The following L3MBTL4 variants were observed in gnomAD, a reference collection of about 807,000 sequenced individuals.
L3MBTL4 encodes lethal(3)malignant brain tumor-like protein 4.
Under a neutral mutation model 84.5 loss-of-function variants are expected in L3MBTL4, and 70 were observed. The observed-to-expected ratio is 0.83, with a 90% CI of 0.68 to 1.01. L3MBTL4 has a LOEUF of 1.01. L3MBTL4 is among the 50% of genes least tolerant of loss of function. The pLI is 0.00. For synonymous variants in L3MBTL4, 274 were observed against 259.8 expected (o/e 1.05, Z -0.52); for missense variants, 715 against 754.8 (o/e 0.95, Z 0.62).
chr18:6,412,385 A>G (rs2056003551), intron 1 of L3MBTL4, among the ~76,000 whole-genome samples: 1 of 152,194 alleles, frequency 6.6e-6, no homozygotes, highest in Non-Finnish European at 1.5e-5. Flanking sequence ...GAAAGAATGA[A>G]CACTTATCTA....
chr18:6,192,720 G>A (rs956682209), intron 12 of L3MBTL4, among the ~76,000 whole-genome samples: 2 of 152,176 alleles, frequency 1.3e-5, no homozygotes, highest in African/African-American at 4.8e-5. Flanking sequence ...ACTACGTTTT[G>A]CAGTTATGCA....
rs76698108 is a variant in L3MBTL4, at chr18:6,213,794, T to C, written c.871-535A>G. On this transcript the variant is annotated intron_variant, in intron 11 of 18. Coordinates refer to ENST00000317931, the MANE Select transcript of L3MBTL4 (RefSeq NM_001330559.2). ...AAAACCTGTGAGAGAAAAAATAATTTTTTGGCCATTTTAAAGATAACTAAA... is the reference window on the plus strand; with the variant it reads ...AAAACCTGTGAGAGAAAAAATAATTCTTTGGCCATTTTAAAGATAACTAAA... Among the ~76,000 whole-genome samples the C allele has an allele frequency of 3.3e-3, 509 of 152,360 alleles. 1 individual carries two copies. The highest frequency in any genetic ancestry group is 0.011 in the African/African-American group (472 of 41,586).
chr18:5,999,649 A>G (rs1046359363), intron 16 of L3MBTL4, among the ~76,000 whole-genome samples: 4 of 152,258 alleles, frequency 2.6e-5, no homozygotes, highest in African/African-American at 7.2e-5. Flanking sequence ...CATAAATTCC[A>G]TTTTCAGTGA....
At chr18:6,199,414 T>TG (rs1414392495) in intron 12 of L3MBTL4, among the ~76,000 whole-genome samples, 1 of 152,254 alleles carries the variant, frequency 6.6e-6, no homozygotes, top group Admixed American at 6.5e-5. Context: ...AACAGCCACA[T>TG]GCAGCGAGTG....
intron 9 of L3MBTL4, among the ~76,000 whole-genome samples, chr18:6,238,300 G>A (rs918109405): frequency 1.3e-5 from 2 of 152,196 alleles, no homozygotes; most frequent in South Asian, 2.1e-4. Flanking sequence ...TCGGGAGGCC[G>A]AGACAGGCGG....
chr18:6,042,017 G>A (rs1249368227), intron 16 of L3MBTL4, among the ~76,000 whole-genome samples: 6 of 151,924 alleles, frequency 3.9e-5, no homozygotes, highest in East Asian at 1.9e-4. Flanking sequence ...ACTACCACCC[G>A]GCCATCTGTG....
At chr18:6,106,959 A>T (rs1432960007) in intron 14 of L3MBTL4, among the ~76,000 whole-genome samples, 1 of 152,220 alleles carries the variant, frequency 6.6e-6, no homozygotes, top group Non-Finnish European at 1.5e-5. Context: ...AAAAATGTGA[A>T]TTACAAACCT....
At position 6,376,631 on chromosome 18, in the gene L3MBTL4, G is replaced by A. The variant is rs567101594; in HGVS notation, c.-91+38170C>T. 2.0e-5 allele frequency among the ~76,000 whole-genome samples: 3 copies of A among 152,212 alleles called. No homozygotes were observed. The East Asian group carries it at 5.8e-4, about 30-fold the overall frequency. On this transcript the variant is annotated intron_variant, in intron 1 of 18. Transcript: ENST00000317931. ...TGTGTACCTGTAGTCCCAGCTACTC[G>A]GGAGGCTGAGATGGGAGGATCACTT...
At chr18:6,339,591 A>AT (rs59527270) in intron 1 of L3MBTL4, among the ~76,000 whole-genome samples, 110,600 of 151,958 alleles carry the variant, frequency 0.73, 41,617 homozygotes, top group African/African-American at 0.92. Flanking sequence ...AAAGAAAATC[A>AT]TTTTTATAAG....
chr18:6,320,650 G>T (rs2051356220), intron 1 of L3MBTL4, among the ~76,000 whole-genome samples: 1 of 152,094 alleles, frequency 6.6e-6, no homozygotes, highest in Non-Finnish European at 1.5e-5. Context: ...TCAATATCAT[G>T]AAAATGACCA....
intron 10 of L3MBTL4, among the ~76,000 whole-genome samples, chr18:6,230,439 T>A (rs192296237): frequency 6.6e-6 from 1 of 152,304 alleles, no homozygotes; most frequent in African/African-American, 2.4e-5. Flanking sequence ...TGTGTAGTAT[T>A]CCATGGTGAA....
intron 16 of L3MBTL4, among the ~76,000 whole-genome samples, chr18:5,973,346 T>C (rs529499198): frequency 6.6e-6 from 1 of 152,340 alleles, no homozygotes; most frequent in South Asian, 2.1e-4. Context: ...CTGTTGCCGA[T>C]GTGTGGCAAC....
intron 1 of L3MBTL4, among the ~76,000 whole-genome samples, chr18:6,372,929 T>G (rs2054215151): frequency 6.6e-6 from 1 of 152,242 alleles, no homozygotes; most frequent in Non-Finnish European, 1.5e-5. Context: ...AGTATCCTCT[T>G]GAAGCAAGAT....
At chr18:6,095,140 A>T (rs1244524798) in intron 14 of L3MBTL4, among the ~76,000 whole-genome samples, 3 of 152,196 alleles carry the variant, frequency 2.0e-5, no homozygotes, top group African/African-American at 7.2e-5. Context: ...GCCCACTATT[A>T]TACAGGGTGT....
intron 6 of L3MBTL4, among the ~76,000 whole-genome samples, 196 bp from the exon 7 acceptor site, chr18:6,243,625 C>T (rs188682111): frequency 2.0e-5 from 3 of 152,298 alleles, no homozygotes; most frequent in Admixed American, 6.5e-5. Flanking sequence ...CCCTGTCTTA[C>T]AGGTATCTAG....
intron 1 of L3MBTL4, among the ~76,000 whole-genome samples, chr18:6,327,884 T>C (rs1394631729): frequency 6.6e-5 from 10 of 152,236 alleles, no homozygotes; most frequent in Non-Finnish European, 1.5e-4. Flanking sequence ...AGAGGTCTCA[T>C]TTGCCCCTGA....
intron 1 of L3MBTL4, among the ~76,000 whole-genome samples, chr18:6,327,125 G>C (rs74549383): frequency 0.044 from 6,674 of 152,318 alleles, 169 homozygotes; most frequent in East Asian, 0.1. Flanking sequence ...CTCACCAAGT[G>C]TTGAAGCGAG....
At chr18:6,215,460 G>T (rs2046284189) in intron 11 of L3MBTL4, among the ~76,000 whole-genome samples, 1 of 152,136 alleles carries the variant, frequency 6.6e-6, no homozygotes, top group African/African-American at 2.4e-5. Context: ...CAGACTAATA[G>T]AACCAGAAAT....
chr18:6,122,706 C>A (rs1017904993), intron 14 of L3MBTL4, among the ~76,000 whole-genome samples: 5 of 152,158 alleles, frequency 3.3e-5, no homozygotes, highest in African/African-American at 9.7e-5. Context: ...CACAACCTTA[C>A]CCTCATTCAT....
Sources: allele counts gnomAD v4.1 joint callset (sites outside exome capture counted in the v4.1 genomes callset), GRCh38; gene constraint gnomAD v4.1.1; transcripts MANE v1.5; gene names NCBI Gene and HGNC (gene_info 2026-07-23, HGNC 2026-07-21).